TBC1D1: variants seen among roughly 807,000 people sequenced by gnomAD.
TBC1D1 encodes TBC1 domain family member 1.
Under a neutral mutation model 125.6 loss-of-function variants are expected in TBC1D1, and 89 were observed. The ratio of observed to expected loss-of-function variants is 0.71; its 90% CI spans 0.60 to 0.85. TBC1D1 has a LOEUF of 0.85. TBC1D1 is among the 40% of genes least tolerant of loss of function. The pLI is 0.00. For synonymous variants in TBC1D1, 565 were observed against 564.1 expected (o/e 1.00, Z -0.02); for missense variants, 1,377 against 1,469.2 (o/e 0.94, Z 1.03).
intron 2 of TBC1D1, among the ~76,000 whole-genome samples, chr4:37,907,707 G>T (rs1052773509): frequency 6.6e-6 from 1 of 152,210 alleles, no homozygotes; most frequent in African/African-American, 2.4e-5. Context: ...TTGCATGAGT[G>T]ACCCTGACTA....
intron 18 of TBC1D1, among the ~76,000 whole-genome samples, chr4:38,126,716 G>A (rs776905489): frequency 5.9e-5 from 9 of 152,100 alleles, no homozygotes; most frequent in South Asian, 2.1e-4. Flanking sequence ...GGTGGGCATC[G>A]AAATATACGC....
chr4:37,912,479 A>G lies in TBC1D1; in HGVS notation c.417+9967A>G, dbSNP rs1718830427. On this transcript the variant is annotated intron_variant, in intron 2 of 19. Coordinates refer to ENST00000261439, the MANE Select transcript of TBC1D1 (RefSeq NM_015173.4). ...GAGATAGGAAGGAAGGGCTAAGGCC[A>G]GATTTTACAGGGCTTTGTATGCCTT... Among the ~76,000 whole-genome samples, 4 of 152,248 alleles carry G rather than the reference A, an allele frequency of 2.6e-5. No homozygotes were observed. The South Asian group carries it at 8.3e-4, about 31-fold the overall frequency.
chr4:38,041,811 T>C (rs1051527870), intron 8 of TBC1D1, among the ~76,000 whole-genome samples: 2 of 152,214 alleles, frequency 1.3e-5, no homozygotes, highest in Non-Finnish European at 2.9e-5. Flanking sequence ...CAAATATTTC[T>C]GCATATGGCC....
intron 13 of TBC1D1, 88 bp downstream of exon 15, chr4:38,090,205 A>T: frequency 7.8e-7 from 1 of 1,289,842 alleles, no homozygotes. Flanking sequence ...CTGTCTTAAA[A>T]ATACAGCAGC....
intron 2 of TBC1D1, among the ~76,000 whole-genome samples, chr4:37,922,225 C>G (rs1721156326): frequency 6.6e-6 from 1 of 152,170 alleles, no homozygotes; most frequent in Non-Finnish European, 1.5e-5. Context: ...GTTTTGGTAT[C>G]ATAACTAATT....
intron 7 of TBC1D1, among the ~76,000 whole-genome samples, chr4:38,031,828 A>C (rs1298627445): frequency 6.6e-6 from 1 of 152,248 alleles, no homozygotes; most frequent in Non-Finnish European, 1.5e-5. Flanking sequence ...ATGACAATTT[A>C]TAAGCCTCTT....
intron 12 of TBC1D1, among the ~76,000 whole-genome samples, chr4:38,084,637 A>G (rs1207343991): frequency 6.6e-6 from 1 of 152,228 alleles, no homozygotes; most frequent in African/African-American, 2.4e-5. Context: ...ACTTTTCTCC[A>G]GAGATTTAAT....
intron 15 of TBC1D1, among the ~76,000 whole-genome samples, chr4:38,106,622 G>C (rs753132277): frequency 1.3e-4 from 20 of 152,172 alleles, no homozygotes; most frequent in Non-Finnish European, 2.2e-4. Flanking sequence ...TTGCTCCAAG[G>C]CTGGGAGGAG....
At chr4:37,972,143 T>C (rs1732154110) in intron 2 of TBC1D1, among the ~76,000 whole-genome samples, 1 of 152,194 alleles carries the variant, frequency 6.6e-6, no homozygotes, top group Non-Finnish European at 1.5e-5. Context: ...CTGCAGAGGT[T>C]CTCAATTCTG....
chr4:38,117,764 A>G (rs1192717483), intron 16 of TBC1D1, among the ~76,000 whole-genome samples: 1 of 152,184 alleles, frequency 6.6e-6, no homozygotes, highest in Admixed American at 6.5e-5. Context: ...TTCTTAGTGG[A>G]GGAATACAAG....
chr4:38,014,723 G>GCCCCCCCCCCCAACCCCCCCCATCCCC lies in TBC1D1; in HGVS notation c.637_638insCCCCCCAACCCCCCCCATCCCCCCCCC (p.Pro212_Arg213insProProGlnProProProSerProPro). On this transcript the variant is annotated inframe_insertion, in exon 3 of 20. Coordinates refer to ENST00000261439, the MANE Select transcript of TBC1D1 (RefSeq NM_015173.4). The surrounding 1 kb of genome is among the most constrained non-coding windows in gnomAD (Gnocchi z 5.1). ...GTCAGCGGCAGCCGGGGGTCCGAGA[G>GCCCCCCCCCCCAACCCCCCCCATCCCC]CCCCCGCCCCAACCCGCCCCATGCC... 1 of 1,600,226 alleles carries GCCCCCCCCCCCAACCCCCCCCATCCCC rather than the reference G, an allele frequency of 6.2e-7. No individual in the cohort carries two copies. The highest frequency in any genetic ancestry group is 8.6e-7 in the Non-Finnish European group (1 of 1,169,374).
At position 37,997,778 on chromosome 4, in the gene TBC1D1, C is replaced by CT. The variant is rs1465064012; in HGVS notation, c.418-16718dup. 6.1e-3 allele frequency among the ~76,000 whole-genome samples: 875 copies of CT among 144,332 alleles called. 6 individuals are homozygous for CT. Among genetic ancestry groups the CT allele is most frequent in the African/African-American group, 0.019 (764 of 39,506 alleles). The allele number at this position is 144,332 out of a possible 152,430, so 94.7% of individuals were successfully genotyped here. Reference sequence around the variant, plus strand: ...AATAACAGCTGTTCATATACATTTACTTTTTTTTTTTTTAAAAGAGAATTT... The same window carrying CT: ...AATAACAGCTGTTCATATACATTTACTTTTTTTTTTTTTTAAAAGAGAATTT... On this transcript the variant is annotated intron_variant, in intron 2 of 19. Transcript: ENST00000261439.
chr4:38,056,982 C>T (rs1300793524), intron 12 of TBC1D1, among the ~76,000 whole-genome samples: 2 of 152,132 alleles, frequency 1.3e-5, no homozygotes, highest in South Asian at 4.1e-4. Flanking sequence ...GGCCTTTGTG[C>T]CTTTAAGTAA....
At chr4:38,044,827 A>C (rs938215087) in intron 9 of TBC1D1, among the ~76,000 whole-genome samples, 1 of 152,214 alleles carries the variant, frequency 6.6e-6, no homozygotes, top group African/African-American at 2.4e-5. Flanking sequence ...TGTATAACTT[A>C]AAAAACAGTT....
At chr4:38,090,774 C>T (rs773698815) in intron 13 of TBC1D1, among the ~76,000 whole-genome samples, 19 of 152,192 alleles carry the variant, frequency 1.2e-4, no homozygotes, top group Non-Finnish European at 2.1e-4. Flanking sequence ...GAGAACTGCC[C>T]GGTGATAAAG....
At chr4:38,092,585 A>T (rs1230114670) in intron 13 of TBC1D1, among the ~76,000 whole-genome samples, 1 of 151,920 alleles carries the variant, frequency 6.6e-6, no homozygotes, top group African/African-American at 2.4e-5. Flanking sequence ...ACAAAAAAAA[A>T]TTAGCCAGGT....
chr4:38,080,736 C>G (rs1380680890), intron 12 of TBC1D1, among the ~76,000 whole-genome samples: 1 of 152,032 alleles, frequency 6.6e-6, no homozygotes, highest in Non-Finnish European at 1.5e-5. Flanking sequence ...CAGCCGCCCT[C>G]TGCACTCTCG....
In TBC1D1 at chr4:37,999,523, G is replaced by A. The variant is rs866010026; in HGVS notation, c.418-14986G>A. Among the ~76,000 whole-genome samples the A allele has an allele frequency of 1.5e-4, 23 of 152,256 alleles. 1 individual carries two copies. Among genetic ancestry groups the A allele is most frequent in the South Asian group, 2.1e-4 (1 of 4,816 alleles). On this transcript the variant is annotated intron_variant, in intron 2 of 19. Transcript: ENST00000261439. ...AATCAAACAGCATCCTGCCCCCAGC[G>A]CGTGGTGTAGGGGAAGGGCTCAGGG... is the stretch of plus-strand genomic sequence containing the variant.
At chr4:38,066,668 A>G (rs527601877) in intron 12 of TBC1D1, among the ~76,000 whole-genome samples, 1 of 152,148 alleles carries the variant, frequency 6.6e-6, no homozygotes, top group African/African-American at 2.4e-5. Flanking sequence ...CATCTCCTGG[A>G]GGTGGCAAAG....
Sources: allele counts gnomAD v4.1 joint callset (sites outside exome capture counted in the v4.1 genomes callset), GRCh38; gene constraint gnomAD v4.1.1; non-coding constraint Gnocchi (gnomAD v3.1); transcripts MANE v1.5; gene names NCBI Gene and HGNC (gene_info 2026-07-23, HGNC 2026-07-21).